The following MIPOL1 variants were observed in gnomAD, a reference collection of about 807,000 sequenced individuals.
The protein encoded by MIPOL1 is mirror-image polydactyly gene 1 protein.
MIPOL1 carries 57 observed loss-of-function variants against 60.9 expected under a neutral mutation model. That is an observed-to-expected ratio of 0.94 (90% CI 0.76 to 1.17). MIPOL1 has a LOEUF of 1.17. MIPOL1 is among the 50% of genes most tolerant of loss of function. The pLI, the probability that MIPOL1 is intolerant of heterozygous loss-of-function variation, is 0.00. For synonymous variants in MIPOL1, 179 were observed against 168.8 expected (o/e 1.06, Z -0.47); for missense variants, 551 against 511.6 (o/e 1.08, Z -0.74).
chr14:37,358,915 A>G (rs1567634803), intron 9 of MIPOL1, among the ~76,000 whole-genome samples: 5 of 151,992 alleles, frequency 3.3e-5, no homozygotes, highest in South Asian at 2.1e-4. Context: ...GCCCATGCCT[A>G]TGTCTGGAAT....
intron 9 of MIPOL1, among the ~76,000 whole-genome samples, chr14:37,362,334 G>T (rs1341212277): frequency 3.3e-5 from 5 of 152,154 alleles, no homozygotes; most frequent in African/African-American, 1.2e-4. Flanking sequence ...GCATTTGGTT[G>T]TCTGTAAAGG....
At chr14:37,500,690 A>G (rs2095203411) in intron 12 of MIPOL1, among the ~76,000 whole-genome samples, 1 of 152,202 alleles carries the variant, frequency 6.6e-6, no homozygotes, top group African/African-American at 2.4e-5. Context: ...AAGCTGCATA[A>G]TCTGTCAGTC....
intron 1 of MIPOL1, among the ~76,000 whole-genome samples, chr14:37,210,150 A>T (rs987373205): frequency 1.1e-4 from 17 of 152,052 alleles, no homozygotes; most frequent in African/African-American, 4.1e-4. Context: ...TCTGTGACTA[A>T]ATGTCAGGGA....
At chr14:37,425,197 T>C (rs6571812) in intron 11 of MIPOL1, among the ~76,000 whole-genome samples, 114,033 of 152,048 alleles carry the variant, frequency 0.75, 43,038 homozygotes, top group East Asian at 0.85. Flanking sequence ...AGGTGCTCTG[T>C]TGATGAAGTG....
In MIPOL1 at chr14:37,482,229, A is replaced by G. The variant is rs546329655; in HGVS notation, c.1032-17679A>G. On this transcript the variant is annotated intron_variant, in intron 11 of 12. Coordinates refer to ENST00000684589, the MANE Select transcript of MIPOL1 (RefSeq NM_001388067.1). ...ATGTAAGGCACTCAACTCAATAGCA[A>G]GAAAACAAAACACCCAGTTTAAAAA... 2.7e-3 allele frequency among the ~76,000 whole-genome samples: 406 copies of G among 152,336 alleles called. 1 individual carries two copies. Among genetic ancestry groups the G allele is most frequent in the South Asian group, 0.019 (94 of 4,830 alleles).
intron 1 of MIPOL1, among the ~76,000 whole-genome samples, chr14:37,216,887 G>C (rs1356527658): frequency 2.6e-5 from 4 of 152,026 alleles, no homozygotes; most frequent in African/African-American, 9.7e-5. Flanking sequence ...GTGAAAGCAA[G>C]AGCAAACCAA....
chr14:37,474,729 A>G (rs1007384674), intron 11 of MIPOL1, among the ~76,000 whole-genome samples: 1 of 152,270 alleles, frequency 6.6e-6, no homozygotes, highest in Non-Finnish European at 1.5e-5. Context: ...CAAAGTGGTT[A>G]TACTATTTTG....
chr14:37,322,239 C>A (rs1387129055), intron 9 of MIPOL1, among the ~76,000 whole-genome samples: 3 of 151,996 alleles, frequency 2.0e-5, no homozygotes, highest in African/African-American at 7.2e-5. Flanking sequence ...AGTGCACATT[C>A]TCTACGTCTG....
chr14:37,227,594 T>C (rs1009165638), intron 1 of MIPOL1: 2 of 152,184 alleles, frequency 1.3e-5, no homozygotes, highest in African/African-American at 4.8e-5. Context: ...TTTGTTGTTA[T>C]TGCAACAAGG....
At chr14:37,345,791 T>C (rs1421587691) in intron 9 of MIPOL1, among the ~76,000 whole-genome samples, 1 of 152,222 alleles carries the variant, frequency 6.6e-6, no homozygotes, top group African/African-American at 2.4e-5. Context: ...AACACTCGTA[T>C]TTTTTAAAAA....
At chr14:37,442,938 G>A (rs560758024) in intron 11 of MIPOL1, among the ~76,000 whole-genome samples, 1 of 152,174 alleles carries the variant, frequency 6.6e-6, no homozygotes, top group African/African-American at 2.4e-5. Flanking sequence ...CTATCAGAAT[G>A]CTAGTTAACT....
chr14:37,350,762 T>C (rs544728414), intron 9 of MIPOL1, among the ~76,000 whole-genome samples: 6 of 152,312 alleles, frequency 3.9e-5, no homozygotes, highest in Admixed American at 1.3e-4. Flanking sequence ...GCCATCCTTC[T>C]AATCCCTGTG....
At chr14:37,304,359 GA>G (rs2086602844) in intron 7 of MIPOL1, among the ~76,000 whole-genome samples, 1 of 150,660 alleles carries the variant, frequency 6.6e-6, no homozygotes, top group Non-Finnish European at 1.5e-5. Context: ...AAAAACTAGG[GA>G]AAAAAATAAA....
rs188305915 is a variant in MIPOL1, at chr14:37,489,762, T to A, written c.1032-10146T>A. Among the ~76,000 whole-genome samples, 13 of 152,286 alleles carry A rather than the reference T, an allele frequency of 8.5e-5. No individual in the cohort carries two copies. The East Asian group carries it at 2.5e-3, about 30-fold the overall frequency. ...AGGTCCACTCTAGACCCTGTTTGCC[T>A]GGGTATCACCAGCAGAAGTTGCAGA... On this transcript the variant is annotated intron_variant, in intron 11 of 12. Coordinates refer to ENST00000684589, the MANE Select transcript of MIPOL1 (RefSeq NM_001388067.1).
At chr14:37,356,235 G>C (rs1169835696) in intron 9 of MIPOL1, among the ~76,000 whole-genome samples, 1 of 151,398 alleles carries the variant, frequency 6.6e-6, no homozygotes, top group Non-Finnish European at 1.5e-5. Context: ...CAGGGGTCAG[G>C]GACCCACTTG....
At chr14:37,340,278 T>G (rs1456123191) in intron 9 of MIPOL1, among the ~76,000 whole-genome samples, 1 of 152,130 alleles carries the variant, frequency 6.6e-6, no homozygotes, top group Admixed American at 6.6e-5. Flanking sequence ...AAATAAAAAT[T>G]TGAAGACTAG....
chr14:37,364,977 G>A (rs1566443312), intron 9 of MIPOL1, among the ~76,000 whole-genome samples: 1 of 152,072 alleles, frequency 6.6e-6, no homozygotes. Context: ...ATAAATGGGA[G>A]TGTTTTCTAA....
chr14:37,226,416 T>C (rs1437374694), intron 1 of MIPOL1, among the ~76,000 whole-genome samples: 1 of 152,148 alleles, frequency 6.6e-6, no homozygotes, highest in Non-Finnish European at 1.5e-5. Context: ...TGGTAGAAGA[T>C]GAAAGGCACG....
chr14:37,342,271 C>T (rs574766465), intron 9 of MIPOL1, among the ~76,000 whole-genome samples: 11 of 151,926 alleles, frequency 7.2e-5, no homozygotes, highest in South Asian at 6.3e-4. Flanking sequence ...ACAGGAGAAT[C>T]GCTTGAGCCT....
Sources: allele counts gnomAD v4.1 joint callset (sites outside exome capture counted in the v4.1 genomes callset), GRCh38; gene constraint gnomAD v4.1.1; transcripts MANE v1.5; gene names NCBI Gene and HGNC (gene_info 2026-07-23, HGNC 2026-07-21).